The following PXYLP1 variants were observed in gnomAD, a reference collection of about 807,000 sequenced individuals.
PXYLP1 encodes acid phosphatase-like 2.
Under a neutral mutation model 37.9 loss-of-function variants are expected in PXYLP1, and 17 were observed. The ratio of observed to expected loss-of-function variants is 0.45; its 90% CI spans 0.31 to 0.67. The LOEUF is 0.67. PXYLP1 is among the 30% of genes least tolerant of loss of function. The probability of loss-of-function intolerance (pLI) is 0.07; values close to 1 mark genes in which losing one functional copy is unlikely to be tolerated. For synonymous variants in PXYLP1, 221 were observed against 232.2 expected (o/e 0.95, Z 0.44); for missense variants, 511 against 612.0 (o/e 0.84, Z 1.74).
At chr3:141,266,728 A>C (rs1051163245) in intron 2 of PXYLP1, among the ~76,000 whole-genome samples, 1 of 149,650 alleles carries the variant, frequency 6.7e-6, no homozygotes, top group African/African-American at 2.5e-5. Flanking sequence ...GGAGAGAGGG[A>C]AAGAGTGTGC....
At chr3:141,252,743 C>A (rs978929804) in intron 1 of PXYLP1, among the ~76,000 whole-genome samples, 1 of 152,196 alleles carries the variant, frequency 6.6e-6, no homozygotes, top group African/African-American at 2.4e-5. Flanking sequence ...CGGGTGTTAC[C>A]ACTCTATATC....
chr3:141,279,859 G>A (rs1304382398), intron 4 of PXYLP1, among the ~76,000 whole-genome samples: 2 of 152,220 alleles, frequency 1.3e-5, no homozygotes, highest in Non-Finnish European at 2.9e-5. Context: ...GCCCCTTAGT[G>A]TCCTCTGAGC....
Position 141,293,537 on chromosome 3 carries a change from T to G in PXYLP1, c.*332T>G. ...TTCTGGCCTGCCCCATGTTACTATG[T>G]GATGGAACCAGCACACCTCAACCAA... On this transcript the variant is annotated 3_prime_UTR_variant, in exon 6 of 6. Transcript: ENST00000286353. The G allele has an allele frequency of 4.1e-6, 1 of 244,900 alleles. No individual in the cohort carries two copies. The highest frequency in any genetic ancestry group is 7.9e-6 in the Non-Finnish European group (1 of 126,834). 15.2% of individuals were successfully genotyped at this position (244,900 alleles called of 1,614,324 possible).
At chr3:141,282,485 C>CACACAT (rs1293855133) in intron 4 of PXYLP1, among the ~76,000 whole-genome samples, 9 of 145,168 alleles carry the variant, frequency 6.2e-5, no homozygotes, top group African/African-American at 2.1e-4. Context: ...CCCAGACAAA[C>CACACAT]ACACACACAC....
chr3:141,285,957 AT>A lies in PXYLP1; in HGVS notation c.366-1347del, dbSNP rs57105184. Among the ~76,000 whole-genome samples, 17 of 150,106 alleles carry A rather than the reference AT, an allele frequency of 1.1e-4. No homozygotes were observed. In the East Asian group the frequency reaches 1.4e-3, roughly 12 times the overall value. ...TTAAAAACGTATTTTTAAAAGATGGATTTTTTTTTTAGCTTTATGTTGTTGA... is the reference window on the plus strand; with the variant it reads ...TTAAAAACGTATTTTTAAAAGATGGATTTTTTTTTAGCTTTATGTTGTTGA... On this transcript the variant is annotated intron_variant, in intron 4 of 5. Transcript: ENST00000286353.
intron 1 of PXYLP1, among the ~76,000 whole-genome samples, chr3:141,252,045 T>C (rs961339475): frequency 2.0e-5 from 3 of 152,158 alleles, no homozygotes; most frequent in Non-Finnish European, 2.9e-5. Flanking sequence ...TCTCACTTCA[T>C]AGATGAGGAA....
At chr3:141,288,506 C>T (rs1158724809) in intron 5 of PXYLP1, among the ~76,000 whole-genome samples, 2 of 152,184 alleles carry the variant, frequency 1.3e-5, no homozygotes, top group Non-Finnish European at 2.9e-5. Flanking sequence ...TACTTTAGAA[C>T]GAGGGTTTTC....
chr3:141,290,919 G>T (rs538242317), intron 5 of PXYLP1, among the ~76,000 whole-genome samples: 14 of 152,290 alleles, frequency 9.2e-5, no homozygotes, highest in African/African-American at 3.1e-4. Context: ...AATAGGCCCC[G>T]CAGTGAACTA....
intron 5 of PXYLP1, 134 bp downstream of exon 5, chr3:141,287,587 G>A (rs901257789): frequency 1.8e-5 from 17 of 930,764 alleles, no homozygotes; most frequent in African/African-American, 5.1e-5. Flanking sequence ...CAAGGAGCTC[G>A]GTCACCAGGG....
At chr3:141,242,416 G>A (rs1420334272) in intron 1 of PXYLP1, among the ~76,000 whole-genome samples, 2 of 152,232 alleles carry the variant, frequency 1.3e-5, no homozygotes, top group Admixed American at 1.3e-4. Context: ...TGCCTGAGAA[G>A]GTAAGGGTTC....
At chr3:141,273,694 G>A in intron 2 of PXYLP1, 13 of 985,408 alleles carry the variant, frequency 1.3e-5, no homozygotes, top group Non-Finnish European at 1.4e-5. Flanking sequence ...GGTTATAGAT[G>A]TGTGGACAGG....
intron 2 of PXYLP1, chr3:141,273,442 T>C: frequency 4.1e-6 from 4 of 985,420 alleles, no homozygotes; most frequent in Non-Finnish European, 4.8e-6. Context: ...GCATCCTAGC[T>C]ATAGCTATGG....
chr3:141,290,419 G>A (rs571063817), intron 5 of PXYLP1, among the ~76,000 whole-genome samples: 3 of 152,140 alleles, frequency 2.0e-5, no homozygotes, highest in African/African-American at 4.8e-5. Flanking sequence ...GTGCAGTGCC[G>A]GCATATGAGA....
intron 1 of PXYLP1, among the ~76,000 whole-genome samples, chr3:141,256,726 A>T (rs906294336): frequency 1.3e-5 from 2 of 152,224 alleles, no homozygotes; most frequent in African/African-American, 4.8e-5. Context: ...GCATCCTGGG[A>T]TTCGGTGTTC....
In PXYLP1 at chr3:141,292,789, G is replaced by A. The variant is rs370865607; in HGVS notation, c.1027G>A (p.Gly343Arg). 3.0e-5 allele frequency: 48 copies of A among 1,613,214 alleles called. No homozygotes were observed. The South Asian group carries it at 4.0e-4, about 13-fold the overall frequency. ...AAGACGGGAGAAGAAATTGTACTTC[G>A]GGTATTCTCTCCTGGGTGCCCACCC... ...RERREKKLYF[G>R]YSLLGAHPIL... Residue 343 changes from glycine (G) to arginine (R), a missense_variant, in exon 6 of 6, where the codon GGG becomes AGG. Physicochemically the swap from Gly to Arg is moderately radical, Grantham distance 125 (BLOSUM62 -2). Coordinates refer to ENST00000286353, the MANE Select transcript of PXYLP1 (RefSeq NM_001037172.3). This position sits in a 1 kb window ranked among gnomAD's most constrained non-coding sequence, Gnocchi z 4.3.
chr3:141,292,932 C>T lies in PXYLP1; in HGVS notation c.1170C>T (p.Gly390=). 6.2e-7 allele frequency: 1 copy of T among 1,614,136 alleles called. No homozygotes were observed. The highest frequency in any genetic ancestry group is 8.5e-7 in the Non-Finnish European group (1 of 1,180,014). The change falls in exon 6 of 6, where the codon GGC becomes GGT. Residue 390 remains glycine, a synonymous_variant. Coordinates refer to ENST00000286353, the MANE Select transcript of PXYLP1 (RefSeq NM_001037172.3). This position sits in a 1 kb window ranked among gnomAD's most constrained non-coding sequence, Gnocchi z 4.3. ...TGTCACCAGTTCTCAGTGCCTTGGG[C>T]CTTTCAGAAGCCAGGTTCCCAAGGT... is the stretch of plus-strand genomic sequence containing the variant. ...VTLSPVLSAL[G]LSEARFPRFA...
rs770783114 is a variant in PXYLP1 at position 141,278,402 on chromosome 3, T to C, written c.140T>C (p.Ile47Thr). The C allele has an allele frequency of 4.1e-5, 66 of 1,614,034 alleles. No individual in the cohort carries two copies. Among genetic ancestry groups the C allele is most frequent in the Non-Finnish European group, 5.4e-5 (64 of 1,180,034 alleles). The change falls in exon 3 of 6, where the codon ATC becomes ACC. Residue 47 changes from isoleucine (I) to threonine (T), a missense_variant. Coordinates refer to ENST00000286353, the MANE Select transcript of PXYLP1 (RefSeq NM_001037172.3). ...NGMSSKSRKR[I>T]MPDPVTEPPV... ...ATGAGTAGCAAGAGTCGAAAGAGAATCATGCCCGACCCTGTGACGGAGCCC... is the reference window on the plus strand; with the variant it reads ...ATGAGTAGCAAGAGTCGAAAGAGAACCATGCCCGACCCTGTGACGGAGCCC...
chr3:141,241,967 A>G (rs1940812558), intron 1 of PXYLP1, among the ~76,000 whole-genome samples: 1 of 152,198 alleles, frequency 6.6e-6, no homozygotes, highest in African/African-American at 2.4e-5. Flanking sequence ...TCAGGCTATA[A>G]AAATAGAGGC....
At chr3:141,276,222 C>T (rs545239133) in intron 2 of PXYLP1, among the ~76,000 whole-genome samples, 53 of 152,302 alleles carry the variant, frequency 3.5e-4, no homozygotes, top group Middle Eastern at 3.4e-3. Context: ...CCCATTGTTA[C>T]GCAACTCATG....
Sources: allele counts gnomAD v4.1 joint callset (sites outside exome capture counted in the v4.1 genomes callset), GRCh38; gene constraint gnomAD v4.1.1; non-coding constraint Gnocchi (gnomAD v3.1); transcripts MANE v1.5; gene names NCBI Gene and HGNC (gene_info 2026-07-23, HGNC 2026-07-21).